NRTN: variants seen among roughly 807,000 people sequenced by gnomAD.
The protein encoded by NRTN is neurturin.
A neutral mutation model predicts 7.5 loss-of-function variants in NRTN; 3 were observed. The ratio of observed to expected loss-of-function variants is 0.40; its 90% CI spans 0.18 to 1.03. The LOEUF is 1.03. Ranked by LOEUF, NRTN falls within the 50% of genes least tolerant of loss-of-function variation. The probability of loss-of-function intolerance (pLI) is 0.34; values close to 1 mark genes in which losing one functional copy is unlikely to be tolerated. For synonymous variants in NRTN, 157 were observed against 146.6 expected, an observed-to-expected ratio of 1.07 and a Z score of -0.51; for missense variants, 310 against 307.0, an observed-to-expected ratio of 1.01 and a Z score of -0.07.
intron 1 of NRTN, among the ~76,000 whole-genome samples, chr19:5,817,669 A>G (rs1034312613): frequency 2.0e-5 from 3 of 152,092 alleles, no homozygotes; most frequent in African/African-American, 7.2e-5. Flanking sequence ...GAGTGTCATC[A>G]TGGTCAAATG....
chr19:5,821,514 A>G (rs573057386), intron 1 of NRTN, among the ~76,000 whole-genome samples: 2 of 151,754 alleles, frequency 1.3e-5, no homozygotes, highest in South Asian at 4.2e-4. Context: ...TATTGGCCAG[A>G]CTGGTCTTGA....
At chr19:5,812,081 CA>C (rs2056992280) in intron 1 of NRTN, among the ~76,000 whole-genome samples, 1 of 151,138 alleles carries the variant, frequency 6.6e-6, no homozygotes, top group Non-Finnish European at 1.5e-5. Context: ...CCATGTTATC[CA>C]AGATGGTCTC....
intron 1 of NRTN, among the ~76,000 whole-genome samples, chr19:5,810,298 A>G (rs892628191): frequency 6.6e-6 from 1 of 151,310 alleles, no homozygotes; most frequent in African/African-American, 2.4e-5. Context: ...TTTTTTGTAA[A>G]GACAGAGTCT....
intron 1 of NRTN, among the ~76,000 whole-genome samples, chr19:5,819,951 A>T (rs2057017695): frequency 6.6e-6 from 1 of 152,102 alleles, no homozygotes; most frequent in South Asian, 2.1e-4. Context: ...GGTTGGACAT[A>T]AAGTAGGTGA....
chr19:5,823,712 C>G (rs564519593), intron 1 of NRTN, 56 bp from the exon 2 acceptor site: 31 of 301,572 alleles, frequency 1.0e-4, no homozygotes, highest in Non-Finnish European at 1.7e-4. Flanking sequence ...TTGTCCCACA[C>G]TGCCACCTGC....
chr19:5,816,911 C>T (rs11880922), intron 1 of NRTN, among the ~76,000 whole-genome samples: 21,952 of 152,168 alleles, frequency 0.14, 2,380 homozygotes, highest in East Asian at 0.42. Context: ...GTGAGCACGA[C>T]GTATTCAAAT....
At chr19:5,809,676 G>A (rs990480077) in intron 1 of NRTN, among the ~76,000 whole-genome samples, 140 of 152,272 alleles carry the variant, frequency 9.2e-4, no homozygotes, top group African/African-American at 3.3e-3. Context: ...AGGTTAATTC[G>A]TGTGCTGGAG....
chr19:5,812,577 T>C (rs1387687380), intron 1 of NRTN, among the ~76,000 whole-genome samples: 1 of 152,258 alleles, frequency 6.6e-6, no homozygotes, highest in Non-Finnish European at 1.5e-5. Context: ...CCCAGATGTG[T>C]GTCGCCAGTT....
intron 1 of NRTN, among the ~76,000 whole-genome samples, chr19:5,818,300 G>A (rs954635844): frequency 6.6e-6 from 1 of 152,166 alleles, no homozygotes; most frequent in Non-Finnish European, 1.5e-5. Context: ...GTGTGCTCGA[G>A]TGAGAATGCT....
chr19:5,825,936 C>T (rs1183690901), intron 2 of NRTN, among the ~76,000 whole-genome samples: 5 of 152,160 alleles, frequency 3.3e-5, no homozygotes, highest in Non-Finnish European at 7.4e-5. Flanking sequence ...AGATGGAGAC[C>T]ATTCTGGCTA....
chr19:5,818,237 T>G lies in NRTN; in HGVS notation c.-398-5531T>G, dbSNP rs138551559. Among the ~76,000 whole-genome samples, 943 of 152,326 alleles carry G rather than the reference T, an allele frequency of 6.2e-3. 8 individuals are homozygous for G. Among genetic ancestry groups the G allele is most frequent in the Middle Eastern group, 0.044 (13 of 294 alleles). On this transcript the variant is annotated intron_variant, in intron 1 of 2. Transcript: ENST00000303212. Reference sequence around the variant, plus strand: ...CCTCAGCCTCCCAAAGTGCTGGGATTACAGGTGTGAGCCACTGCACCCAGC... The same window carrying G: ...CCTCAGCCTCCCAAAGTGCTGGGATGACAGGTGTGAGCCACTGCACCCAGC...
rs908667613 is a variant in NRTN at position 5,824,765 on chromosome 19, G to C, written c.169+431G>C. Among the ~76,000 whole-genome samples, 17 of 152,208 alleles carry C rather than the reference G, an allele frequency of 1.1e-4. 1 individual carries two copies. The East Asian group carries it at 3.1e-3, about 28-fold the overall frequency. On this transcript the variant is annotated intron_variant, in intron 2 of 2. Transcript: ENST00000303212. ...CCACTATACTCCAGCCTGAGCAACA[G>C]AGCAAGATTCTGTCTCAAAACATTA...
In NRTN at chr19:5,827,960, C is replaced by T. The variant is rs766663423; in HGVS notation, c.381C>T (p.Phe127=). ...LGYASDETVL[F]RYCAGACEAA... is the part of the protein sequence containing the mutation. ...ACGCGTCCGACGAGACGGTGCTGTT[C>T]CGCTACTGCGCAGGCGCCTGCGAGG... Residue 127 remains phenylalanine (F), a synonymous_variant, in exon 3 of 3, where the codon TTC becomes TTT. Coordinates refer to ENST00000303212, the MANE Select transcript of NRTN (RefSeq NM_004558.5). The T allele has an allele frequency of 1.5e-5, 22 of 1,488,318 alleles. No homozygotes were observed. The East Asian group carries it at 6.3e-4, about 43-fold the overall frequency. The allele number at this position is 1,488,318 out of a possible 1,614,324, so 92.2% of individuals were successfully genotyped here.
At chr19:5,808,553 C>G (rs1698844101) in intron 1 of NRTN, among the ~76,000 whole-genome samples, 1 of 152,210 alleles carries the variant, frequency 6.6e-6, no homozygotes, top group African/African-American at 2.4e-5. Flanking sequence ...AGAGAGAGCT[C>G]CAGGTGCCGG....
Position 5,812,026 on chromosome 19 carries a change from C to T in NRTN, c.-399+6575C>T, listed in dbSNP as rs140931923. On this transcript the variant is annotated intron_variant, in intron 1 of 2. Coordinates refer to ENST00000303212, the MANE Select transcript of NRTN (RefSeq NM_004558.5). ...CTGGGACTACAGGCGCCCAATACCA[C>T]GCCCAGCCAATTTTTTTTGTATTTT... is the stretch of plus-strand genomic sequence containing the variant. Among the ~76,000 whole-genome samples, 248 of 151,506 alleles carry T rather than the reference C, an allele frequency of 1.6e-3. 1 individual carries two copies. The highest frequency in any genetic ancestry group is 5.7e-3 in the African/African-American group (235 of 41,288).
At chr19:5,824,808 T>C (rs1343403496) in intron 2 of NRTN, among the ~76,000 whole-genome samples, 1 of 152,092 alleles carries the variant, frequency 6.6e-6, no homozygotes, top group Non-Finnish European at 1.5e-5. Flanking sequence ...AAATACATTT[T>C]CTAAAAAAAG....
Position 5,827,759 on chromosome 19 carries a change from C to G in NRTN, c.180C>G (p.Leu60=), listed in dbSNP as rs143772327. 0.012 allele frequency: 14,030 copies of G among 1,219,560 alleles called. 1,372 individuals carry two copies. In the African/African-American group the frequency reaches 0.2, roughly 18 times the overall value. The allele number at this position is 1,219,560 out of a possible 1,614,324, so 75.5% of individuals were successfully genotyped here. A position where few individuals can be genotyped will look rare whatever the true frequency, so the allele number is the denominator to read the frequency against. ...TTCCTCCCCTCGCAGACCGTGCACTCCTGCAGGGGGCCCCGGATGCGATGG... is the reference window on the plus strand; with the variant it reads ...TTCCTCCCCTCGCAGACCGTGCACTGCTGCAGGGGGCCCCGGATGCGATGG... The part of the protein sequence containing the change: ...RIARLAQYRA[L]LQGAPDAMEL... Residue 60 remains leucine, a synonymous_variant, in exon 3 of 3, where the codon CTC becomes CTG. Transcript: ENST00000303212.
At chr19:5,812,421 C>A (rs767122733) in intron 1 of NRTN, among the ~76,000 whole-genome samples, 2 of 152,186 alleles carry the variant, frequency 1.3e-5, no homozygotes, top group Non-Finnish European at 2.9e-5. Context: ...GAGGCTGGAC[C>A]TCTTTCTCCG....
chr19:5,810,741 C>T lies in NRTN; in HGVS notation c.-399+5290C>T, dbSNP rs185903775. Among the ~76,000 whole-genome samples the T allele has an allele frequency of 2.0e-3, 307 of 150,864 alleles. 2 individuals are homozygous for T. Among genetic ancestry groups the T allele is most frequent in the Non-Finnish European group, 3.1e-3 (211 of 67,076 alleles). ...GAGGTCAGATCAAGACCACCCTGGC[C>T]AACATGGTGAAACCCCATCTCTACT... is the stretch of plus-strand genomic sequence containing the variant. On this transcript the variant is annotated intron_variant, in intron 1 of 2. Coordinates refer to ENST00000303212, the MANE Select transcript of NRTN (RefSeq NM_004558.5).
Sources: gnomAD v4.1 joint callset for allele counts (sites outside exome capture counted in the v4.1 genomes callset) on GRCh38, gnomAD v4.1.1 for gene constraint, MANE v1.5 for transcripts, NCBI Gene and HGNC (gene_info 2026-07-23, HGNC 2026-07-21) for gene names.